The following CUEDC2 variants were observed in gnomAD, a reference collection of about 807,000 sequenced individuals.
The protein encoded by CUEDC2 is CUE domain containing 2.
CUEDC2 carries 10 observed loss-of-function variants against 36.0 expected under a neutral mutation model. The observed-to-expected ratio is 0.28, with a 90% CI of 0.17 to 0.47. The LOEUF (loss-of-function observed/expected upper bound fraction) is 0.47, where lower values mean the gene tolerates loss of function less well. CUEDC2 is among the 20% of genes least tolerant of loss of function. The pLI is 0.99. For missense variants in CUEDC2, 269 were observed against 368.1 expected, an observed-to-expected ratio of 0.73 and a Z score of 2.20; for synonymous variants, 133 against 141.8, an observed-to-expected ratio of 0.94 and a Z score of 0.44.
Position 102,423,665 on chromosome 10 carries a change from G to T in CUEDC2, c.709C>A (p.Pro237Thr). ...EDQKIHRPMA[P>T]KEAPKKLIRY... Reference sequence around the variant, plus strand: ...ACCCTTAACTCTCTCACCTCCTTGGGAGCCATGGGCCGGTGAATCTTCTGA... The same window carrying T: ...ACCCTTAACTCTCTCACCTCCTTGGTAGCCATGGGCCGGTGAATCTTCTGA... Residue 237 changes from proline to threonine, a missense_variant, in exon 8 of 9, where the codon CCC becomes ACC. By Grantham distance (38) the Pro-to-Thr change is conservative. Transcript: ENST00000369937. The surrounding 1 kb of genome is among the most constrained non-coding windows in gnomAD (Gnocchi z 5.6). 6.2e-7 allele frequency: 1 copy of T among 1,614,150 alleles called. No homozygotes were observed. Among genetic ancestry groups the T allele is most frequent in the South Asian group, 1.1e-5 (1 of 91,088 alleles).
At chr10:102,428,223 G>A (rs1197122404) in intron 1 of CUEDC2, among the ~76,000 whole-genome samples, 1 of 152,160 alleles carries the variant, frequency 6.6e-6, no homozygotes, top group Non-Finnish European at 1.5e-5. Flanking sequence ...TTACAGGCAT[G>A]ACAAAGCACC....
intron 1 of CUEDC2, among the ~76,000 whole-genome samples, chr10:102,430,984 T>C (rs542649199): frequency 1.3e-5 from 2 of 152,378 alleles, no homozygotes; most frequent in East Asian, 3.9e-4. Context: ...TCATGAGTCC[T>C]GCCTAAATGC....
In CUEDC2 at chr10:102,424,195, T is replaced by C. The variant is rs749145931; in HGVS notation, c.412-17A>G. 3.1e-6 allele frequency: 5 copies of C among 1,612,434 alleles called. No individual in the cohort carries two copies. The East Asian group carries it at 1.1e-4, about 36-fold the overall frequency. On this transcript the variant is annotated splice_polypyrimidine_tract_variant and intron_variant, in intron 5 of 8. Coordinates refer to ENST00000369937, the MANE Select transcript of CUEDC2 (RefSeq NM_024040.3). The surrounding 1 kb of genome is among the most constrained non-coding windows in gnomAD (Gnocchi z 4.2). ...GCCAGTTGCCTAAGGGTACAAACGT[T>C]AACAAGAGGCAATACTCCCCCCTTT...
chr10:102,424,314 T>G lies in CUEDC2; in HGVS notation c.361A>C (p.Lys121Gln), dbSNP rs746151781. The G allele has an allele frequency of 2.5e-6, 4 of 1,614,186 alleles. No homozygotes were observed. The highest frequency in any genetic ancestry group is 1.7e-5 in the Admixed American group (1 of 60,024). Residue 121 changes from lysine to glutamine, a missense_variant, in exon 5 of 9, where the codon AAA becomes CAA. Physicochemically the swap from Lys to Gln is moderately conservative, Grantham distance 53 (BLOSUM62 1). Transcript: ENST00000369937. This position sits in a 1 kb window ranked among gnomAD's most constrained non-coding sequence, Gnocchi z 4.2. Reference sequence around the variant, plus strand: ...GCAGCCGAAGACCTAGTCTCTTCTTTGAGCATTTCGGGCCGCTGCAGGGGC... The same window carrying G: ...GCAGCCGAAGACCTAGTCTCTTCTTGGAGCATTTCGGGCCGCTGCAGGGGC... ...PEPLQRPEML[K>Q]EETRSSAAAA...
intron 1 of CUEDC2, among the ~76,000 whole-genome samples, chr10:102,427,432 T>C (rs1011872464): frequency 8.5e-5 from 13 of 152,178 alleles, no homozygotes; most frequent in African/African-American, 3.1e-4. Context: ...TTTACAGGCA[T>C]CTCACAGTTA....
intron 1 of CUEDC2, among the ~76,000 whole-genome samples, chr10:102,425,875 C>T (rs1005023670): frequency 1.3e-5 from 2 of 152,108 alleles, no homozygotes; most frequent in African/African-American, 4.8e-5. Flanking sequence ...CTTGCTCCCA[C>T]CCCACCTTCT....
chr10:102,426,263 A>G (rs2061596083), intron 1 of CUEDC2, among the ~76,000 whole-genome samples: 2 of 152,254 alleles, frequency 1.3e-5, no homozygotes, highest in South Asian at 4.1e-4. Flanking sequence ...TTGACTCCCA[A>G]AAGTCTGTTT....
intron 1 of CUEDC2, among the ~76,000 whole-genome samples, chr10:102,426,262 A>C (rs1386787863): frequency 6.6e-6 from 1 of 152,148 alleles, no homozygotes; most frequent in African/African-American, 2.4e-5. Context: ...TTTGACTCCC[A>C]AAAGTCTGTT....
At position 102,425,119 on chromosome 10, in the gene CUEDC2, G is replaced by A; in HGVS notation, c.70C>T (p.Leu24Phe). ...FVQTHLPEAD[L>F]SGLDEVIFSY... Reference sequence around the variant, plus strand: ...TTCCGGGGGACCCGTCTCTACCTGAGGTCGGCCTCCGGGAGGTGTGTCTGG... The same window carrying A: ...TTCCGGGGGACCCGTCTCTACCTGAAGTCGGCCTCCGGGAGGTGTGTCTGG... Residue 24 changes from leucine (L) to phenylalanine (F), a missense_variant, in exon 2 of 9, where the codon CTC becomes TTC. Coordinates refer to ENST00000369937, the MANE Select transcript of CUEDC2 (RefSeq NM_024040.3). 9 of 1,613,500 alleles carry A rather than the reference G, an allele frequency of 5.6e-6. No individual in the cohort carries two copies. The highest frequency in any genetic ancestry group is 7.6e-6 in the Non-Finnish European group (9 of 1,179,622).
chr10:102,426,353 G>C (rs780788853), intron 1 of CUEDC2, among the ~76,000 whole-genome samples: 7 of 152,086 alleles, frequency 4.6e-5, no homozygotes, highest in Non-Finnish European at 8.8e-5. Context: ...CCACTCAGAA[G>C]GCTCCGAGGC....
chr10:102,430,608 T>C (rs2061613667), intron 1 of CUEDC2, among the ~76,000 whole-genome samples: 2 of 149,828 alleles, frequency 1.3e-5, no homozygotes, highest in Admixed American at 1.3e-4. Flanking sequence ...CCCTAAGCTT[T>C]TCTCTAGTTT....
In CUEDC2 at chr10:102,424,690, C is replaced by T. The variant is rs958534691; in HGVS notation, c.177G>A (p.Glu59=). 3.7e-6 allele frequency: 6 copies of T among 1,614,088 alleles called. No individual in the cohort carries two copies. In the Admixed American group the frequency reaches 1.0e-4, roughly 27 times the overall value. Residue 59 remains glutamate, a synonymous_variant, in exon 3 of 9, where the codon GAG becomes GAA. Coordinates refer to ENST00000369937, the MANE Select transcript of CUEDC2 (RefSeq NM_024040.3). The surrounding 1 kb of genome is among the most constrained non-coding windows in gnomAD (Gnocchi z 4.2). ...AGCCAGGCACATAGGCCTCCATCAT[C>T]TCAGTGAAAGCCTCCATATCGAAGT... is the stretch of plus-strand genomic sequence containing the variant. ...EENFDMEAFT[E]MMEAYVPGFA... is the part of the protein sequence containing the mutation.
chr10:102,423,815 C>T lies in CUEDC2; in HGVS notation c.639G>A (p.Lys213=). The T allele has an allele frequency of 6.2e-7, 1 of 1,613,954 alleles. No individual in the cohort carries two copies. Among genetic ancestry groups the T allele is most frequent in the African/African-American group, 1.3e-5 (1 of 75,046 alleles). ...RLRGPQKDEL[K]SFILQKYMMV... ...AGACTCACTTCTGCAGGATGAAGGA[C>T]TTCAGCTCATCCTTTTGGGGGCCTC... Residue 213 remains lysine (K), a synonymous_variant, in exon 7 of 9, where the codon AAG becomes AAA. Transcript: ENST00000369937. The surrounding 1 kb of genome is among the most constrained non-coding windows in gnomAD (Gnocchi z 5.6).
intron 1 of CUEDC2, among the ~76,000 whole-genome samples, chr10:102,427,059 T>C (rs2061599576): frequency 6.6e-6 from 1 of 151,922 alleles, no homozygotes; most frequent in South Asian, 2.1e-4. Context: ...CTGGTTTTGA[T>C]CTACAAAAAA....
chr10:102,427,172 T>C (rs1471199883), intron 1 of CUEDC2, among the ~76,000 whole-genome samples: 1 of 152,160 alleles, frequency 6.6e-6, no homozygotes, highest in Non-Finnish European at 1.5e-5. Context: ...TCTACCTCTC[T>C]GGCCATTTCT....
chr10:102,424,300 C>T lies in CUEDC2; in HGVS notation c.375G>A (p.Arg125=). The change falls in exon 5 of 9, where the codon AGG becomes AGA. Residue 125 remains arginine (R), a synonymous_variant. Transcript: ENST00000369937. This position sits in a 1 kb window ranked among gnomAD's most constrained non-coding sequence, Gnocchi z 4.2. ...QRPEMLKEET[R]SSAAAAADTQ... is the part of the protein sequence containing the mutation. ...TGTCTGCAGCAGCAGCAGCCGAAGA[C>T]CTAGTCTCTTCTTTGAGCATTTCGG... 6.2e-7 allele frequency: 1 copy of T among 1,614,162 alleles called. No homozygotes were observed. The highest frequency in any genetic ancestry group is 8.5e-7 in the Non-Finnish European group (1 of 1,180,026).
Position 102,424,387 on chromosome 10 carries a change from C to A in CUEDC2, c.288G>T (p.Leu96=), listed in dbSNP as rs1263373577. Residue 96 remains leucine (L), a synonymous_variant, in exon 5 of 9, where the codon CTG becomes CTT. Coordinates refer to ENST00000369937, the MANE Select transcript of CUEDC2 (RefSeq NM_024040.3). The surrounding 1 kb of genome is among the most constrained non-coding windows in gnomAD (Gnocchi z 4.2). ...CTTGGACACCAGAGCTCTGCGGTTG[C>A]AGGTTCTCTTAAAGAGGCAAAGAGA... is the stretch of plus-strand genomic sequence containing the variant. The part of the protein sequence containing the change: ...QLSDARNKEN[L]QPQSSGVQGQ... 1.9e-6 allele frequency: 3 copies of A among 1,614,060 alleles called. No individual in the cohort carries two copies. The highest frequency in any genetic ancestry group is 2.5e-6 in the Non-Finnish European group (3 of 1,179,956).
intron 1 of CUEDC2, among the ~76,000 whole-genome samples, chr10:102,430,496 T>C (rs1240586794): frequency 6.6e-6 from 1 of 152,208 alleles, no homozygotes; most frequent in Non-Finnish European, 1.5e-5. Flanking sequence ...GGGAAGAAGC[T>C]TCTCAGGGAT....
At chr10:102,429,016 T>A (rs1302808514) in intron 1 of CUEDC2, among the ~76,000 whole-genome samples, 2 of 137,662 alleles carry the variant, frequency 1.5e-5, no homozygotes, top group Non-Finnish European at 3.2e-5. Flanking sequence ...AGTGAGACTT[T>A]GTCTCAAAAA....
Sources: allele counts gnomAD v4.1 joint callset (sites outside exome capture counted in the v4.1 genomes callset), GRCh38; gene constraint gnomAD v4.1.1; non-coding constraint Gnocchi (gnomAD v3.1); transcripts MANE v1.5; gene names NCBI Gene and HGNC (gene_info 2026-07-23, HGNC 2026-07-21).